KCNH8: variants seen among roughly 807,000 people sequenced by gnomAD.
KCNH8 encodes voltage-gated delayed rectifier potassium channel KCNH8.
In KCNH8, 70 loss-of-function variants were observed where a neutral mutation model predicts 103.6. The observed-to-expected ratio is 0.68, with a 90% CI of 0.56 to 0.82. The LOEUF (loss-of-function observed/expected upper bound fraction) is 0.82. KCNH8 is among the 40% of genes least tolerant of loss of function. KCNH8 has a pLI of 0.00. For synonymous variants in KCNH8, 498 were observed against 489.4 expected (o/e 1.02, Z -0.23); for missense variants, 1,217 against 1,329.9 (o/e 0.92, Z 1.32).
intron 2 of KCNH8, among the ~76,000 whole-genome samples, chr3:19,257,338 G>A (rs1380520889): frequency 2.6e-5 from 4 of 151,956 alleles, no homozygotes; most frequent in African/African-American, 9.7e-5. Context: ...ATTTCTCCAT[G>A]CTTCAGAGCT....
chr3:19,497,717 T>A (rs2068474445), intron 11 of KCNH8, among the ~76,000 whole-genome samples: 1 of 152,214 alleles, frequency 6.6e-6, no homozygotes, highest in Non-Finnish European at 1.5e-5. Flanking sequence ...TATATTCTGT[T>A]GTTTTGGGTG....
intron 5 of KCNH8, among the ~76,000 whole-genome samples, chr3:19,383,278 A>G (rs968584561): frequency 3.3e-5 from 5 of 152,216 alleles, no homozygotes; most frequent in Non-Finnish European, 7.4e-5. Context: ...TATTTAACCT[A>G]AATTTATTTT....
chr3:19,461,815 C>T (rs1201320223), intron 11 of KCNH8, among the ~76,000 whole-genome samples: 1 of 152,114 alleles, frequency 6.6e-6, no homozygotes, highest in Non-Finnish European at 1.5e-5. Context: ...ATCCCTCCCC[C>T]TCCCAACCAC....
intron 7 of KCNH8, among the ~76,000 whole-genome samples, chr3:19,424,847 C>T (rs1348953616): frequency 2.0e-5 from 3 of 152,108 alleles, no homozygotes; most frequent in Non-Finnish European, 4.4e-5. Flanking sequence ...AAAAAAGTCT[C>T]TTAAAATTAT....
intron 11 of KCNH8, among the ~76,000 whole-genome samples, chr3:19,497,483 G>A (rs1352367996): frequency 6.6e-6 from 1 of 152,032 alleles, no homozygotes; most frequent in Non-Finnish European, 1.5e-5. Flanking sequence ...TTTGATTTCT[G>A]CCTTAGTTTA....
chr3:19,308,767 T>C lies in KCNH8; in HGVS notation c.442+27438T>C, dbSNP rs1400738066. On this transcript the variant is annotated intron_variant, in intron 3 of 15. Coordinates refer to ENST00000328405, the MANE Select transcript of KCNH8 (RefSeq NM_144633.3). ...CTCCCTCTCTCCCTCTCTCCCTCTC[T>C]CCCTCCCTCTCTCTCTCTCCCTCTC... 5.0e-5 allele frequency among the ~76,000 whole-genome samples: 4 copies of C among 80,522 alleles called. 1 individual carries two copies. The highest frequency in any genetic ancestry group is 4.9e-4 in the Admixed American group (4 of 8,236). 52.8% of individuals were successfully genotyped at this position (80,522 alleles called of 152,430 possible). A position where few individuals can be genotyped will look rare whatever the true frequency, so the allele number is the denominator to read the frequency against.
chr3:19,156,802 G>A (rs1217626697), intron 1 of KCNH8, among the ~76,000 whole-genome samples: 1 of 151,944 alleles, frequency 6.6e-6, no homozygotes, highest in African/African-American at 2.4e-5. Flanking sequence ...TCATATAGAG[G>A]AAATTCTTCC....
chr3:19,296,619 T>C (rs1458608263), intron 3 of KCNH8, among the ~76,000 whole-genome samples: 2 of 152,142 alleles, frequency 1.3e-5, no homozygotes, highest in Non-Finnish European at 2.9e-5. Context: ...GATTCAGAAG[T>C]CTTATGGTTA....
chr3:19,334,177 G>A (rs2065550261), intron 3 of KCNH8, among the ~76,000 whole-genome samples: 1 of 152,124 alleles, frequency 6.6e-6, no homozygotes, highest in East Asian at 1.9e-4. Context: ...CTTCACCTGA[G>A]GGAAATTCAT....
At chr3:19,380,821 G>T (rs1559299687) in intron 5 of KCNH8, among the ~76,000 whole-genome samples, 3 of 152,224 alleles carry the variant, frequency 2.0e-5, no homozygotes, top group East Asian at 3.9e-4. Context: ...TGATTTTACT[G>T]TTCACAATTA....
chr3:19,239,268 C>G (rs190901288), intron 1 of KCNH8, among the ~76,000 whole-genome samples: 11 of 151,930 alleles, frequency 7.2e-5, no homozygotes, highest in African/African-American at 2.4e-4. Flanking sequence ...TATGCCATAT[C>G]CAGGCATGTC....
At chr3:19,334,897 T>C (rs1218777689) in intron 3 of KCNH8, among the ~76,000 whole-genome samples, 2 of 152,038 alleles carry the variant, frequency 1.3e-5, no homozygotes, top group Non-Finnish European at 2.9e-5. Context: ...TATTTAATTG[T>C]AGTTAAGCTT....
At chr3:19,236,763 GA>G (rs1399548089) in intron 1 of KCNH8, among the ~76,000 whole-genome samples, 3 of 149,548 alleles carry the variant, frequency 2.0e-5, no homozygotes, top group Non-Finnish European at 3.0e-5. Context: ...CTAAGACAAG[GA>G]AAAAAAAAGC....
intron 2 of KCNH8, among the ~76,000 whole-genome samples, chr3:19,268,169 A>G (rs2064539140): frequency 6.6e-6 from 1 of 152,136 alleles, no homozygotes; most frequent in East Asian, 1.9e-4. Context: ...TGGTCTATTA[A>G]GAGAGAATGA....
chr3:19,229,806 G>A (rs2063972383), intron 1 of KCNH8, among the ~76,000 whole-genome samples: 1 of 152,140 alleles, frequency 6.6e-6, no homozygotes, highest in East Asian at 1.9e-4. Context: ...CTTCTTCTGA[G>A]CCCTCCAAAC....
chr3:19,468,177 A>C (rs1333602096), intron 11 of KCNH8, among the ~76,000 whole-genome samples: 15 of 152,116 alleles, frequency 9.9e-5, no homozygotes, highest in Admixed American at 9.8e-4. Context: ...AGTTTCTCCT[A>C]CCAAAACCTA....
intron 5 of KCNH8, among the ~76,000 whole-genome samples, chr3:19,375,234 C>G (rs1214502214): frequency 2.6e-5 from 4 of 152,066 alleles, no homozygotes; most frequent in South Asian, 2.1e-4. Context: ...CCATCACTTT[C>G]AGGTACACCA....
At chr3:19,169,833 C>T (rs2063323859) in intron 1 of KCNH8, among the ~76,000 whole-genome samples, 1 of 152,142 alleles carries the variant, frequency 6.6e-6, no homozygotes, top group African/African-American at 2.4e-5. Context: ...ATCAAGGATC[C>T]ATACATATTC....
At chr3:19,194,016 G>A (rs2063577728) in intron 1 of KCNH8, among the ~76,000 whole-genome samples, 1 of 151,606 alleles carries the variant, frequency 6.6e-6, no homozygotes, top group African/African-American at 2.4e-5. Flanking sequence ...TATTTGGAAA[G>A]GAAAAGACAG....
Sources: gnomAD v4.1 joint callset for allele counts (sites outside exome capture counted in the v4.1 genomes callset) on GRCh38, gnomAD v4.1.1 for gene constraint, MANE v1.5 for transcripts, NCBI Gene and HGNC (gene_info 2026-07-23, HGNC 2026-07-21) for gene names.